Variants in ASTN2 observed in about 807,000 individuals in gnomAD.
ASTN2 encodes the protein astrotactin 2.
ASTN2 carries 54 observed loss-of-function variants against 139.8 expected under a neutral mutation model. The ratio of observed to expected loss-of-function variants is 0.39; its 90% CI spans 0.31 to 0.48. ASTN2 has a LOEUF of 0.48. ASTN2 is among the 20% of genes least tolerant of loss of function. The probability of loss-of-function intolerance (pLI) is 0.95; values close to 1 mark genes in which losing one functional copy is unlikely to be tolerated. For missense variants in ASTN2, 1,565 were observed against 1,725.1 expected, an observed-to-expected ratio of 0.91 and a Z score of 1.64; for synonymous variants, 756 against 719.5, an observed-to-expected ratio of 1.05 and a Z score of -0.81.
chr9:116,927,299 C>T (rs1353513773), intron 10 of ASTN2, among the ~76,000 whole-genome samples: 1 of 152,108 alleles, frequency 6.6e-6, no homozygotes, highest in Non-Finnish European at 1.5e-5. Context: ...TAAAGGAGAT[C>T]GTGCATGTGG....
At chr9:117,066,672 C>T (rs1162361391) in intron 5 of ASTN2, among the ~76,000 whole-genome samples, 4 of 152,056 alleles carry the variant, frequency 2.6e-5, no homozygotes, top group African/African-American at 7.2e-5. Context: ...ACATCCTCTC[C>T]AGCACCTGTT....
intron 22 of ASTN2, among the ~76,000 whole-genome samples, chr9:116,433,496 T>G (rs1192991694): frequency 6.6e-6 from 1 of 152,242 alleles, no homozygotes; most frequent in African/African-American, 2.4e-5. Flanking sequence ...GGGGTAGGGT[T>G]GGGATTATGT....
rs192888220 is a variant in ASTN2, at chr9:116,805,774, T to G, written c.2254A>C (p.Met752Leu). Reference protein sequence around the residue: ...KLAPDGKSCLMLSDVCEGPKC... With the variant: ...KLAPDGKSCLLLSDVCEGPKC... Reference sequence around the variant, plus strand: ...GGGCCCTCGCAGACATCTGAGAGCATTAAGCAGGATTTTCCATCAGGAGCC... The same window carrying G: ...GGGCCCTCGCAGACATCTGAGAGCAGTAAGCAGGATTTTCCATCAGGAGCC... The change falls in exon 13 of 23, where the codon ATG becomes CTG. Residue 752 changes from methionine to leucine, a missense_variant. Met to Leu is a conservative substitution (Grantham distance 15). Around this residue, in one of 4 missense-constraint regions of ASTN2, gnomAD observed 503 missense variants for 591.7 expected, o/e 0.85. Coordinates refer to ENST00000313400, the MANE Select transcript of ASTN2 (RefSeq NM_001365068.1). The G allele has an allele frequency of 1.2e-6, 2 of 1,613,914 alleles. No individual in the cohort carries two copies. The highest frequency in any genetic ancestry group is 4.5e-5 in the East Asian group (2 of 44,882).
At position 116,755,547 on chromosome 9, in the gene ASTN2, C is replaced by T. The variant is rs144525744; in HGVS notation, c.2397-22024G>A. ...GTGAGGCCTCGGAAGAAACCAGCCC[C>T]GCTAATGTCTTGATCTTGGACTTTT... is the stretch of plus-strand genomic sequence containing the variant. On this transcript the variant is annotated intron_variant, in intron 13 of 22. Transcript: ENST00000313400. Among the ~76,000 whole-genome samples, 710 of 152,254 alleles carry T rather than the reference C, an allele frequency of 4.7e-3. 6 individuals are homozygous for T. Among genetic ancestry groups the T allele is most frequent in the African/African-American group, 0.016 (678 of 41,536 alleles).
chr9:116,593,420 T>A (rs1473449034), intron 19 of ASTN2, among the ~76,000 whole-genome samples: 2 of 152,248 alleles, frequency 1.3e-5, no homozygotes, highest in Non-Finnish European at 2.9e-5. Context: ...ATTCTCCACA[T>A]GTATGTTAAA....
chr9:116,575,949 A>T (rs1853705657), intron 19 of ASTN2, among the ~76,000 whole-genome samples: 1 of 152,182 alleles, frequency 6.6e-6, no homozygotes, highest in Non-Finnish European at 1.5e-5. Flanking sequence ...AGGAAGAGGG[A>T]GGAGGAAGCT....
chr9:117,291,943 G>A (rs1271154339), intron 1 of ASTN2, among the ~76,000 whole-genome samples: 1 of 152,182 alleles, frequency 6.6e-6, no homozygotes, highest in African/African-American at 2.4e-5. Context: ...AAGTACTCAT[G>A]GCCAAACCTC....
Position 116,853,253 on chromosome 9 carries a change from TG to T in ASTN2, c.2040+10329del, listed in dbSNP as rs202161886. On this transcript the variant is annotated intron_variant, in intron 11 of 22. Transcript: ENST00000313400. Reference sequence around the variant, plus strand: ...TGTACAAATTTATTTTATTTTATAATGAGAATGAGCTACTTTTAGAAAACCA... The same window carrying T: ...TGTACAAATTTATTTTATTTTATAATAGAATGAGCTACTTTTAGAAAACCA... Among the ~76,000 whole-genome samples, 849 of 152,256 alleles carry T rather than the reference TG, an allele frequency of 5.6e-3. 6 individuals carry two copies. The highest frequency in any genetic ancestry group is 0.019 in the African/African-American group (805 of 41,548).
chr9:117,041,335 G>T (rs1838564671), intron 5 of ASTN2, among the ~76,000 whole-genome samples: 1 of 151,972 alleles, frequency 6.6e-6, no homozygotes, highest in Non-Finnish European at 1.5e-5. Flanking sequence ...TATCCAATTA[G>T]AATGTCAAAT....
At chr9:116,459,290 G>A (rs949569330) in intron 20 of ASTN2, among the ~76,000 whole-genome samples, 4 of 151,936 alleles carry the variant, frequency 2.6e-5, no homozygotes, top group Non-Finnish European at 5.9e-5. Context: ...AAATGTAAAG[G>A]CTAAAACTAT....
intron 2 of ASTN2, among the ~76,000 whole-genome samples, chr9:117,220,401 C>G (rs926773254): frequency 6.6e-6 from 1 of 152,126 alleles, no homozygotes; most frequent in Non-Finnish European, 1.5e-5. Context: ...ATCCCCTCAG[C>G]CTGAAGCACC....
chr9:116,748,921 G>C (rs1436089585), intron 13 of ASTN2, among the ~76,000 whole-genome samples: 1 of 152,166 alleles, frequency 6.6e-6, no homozygotes, highest in African/African-American at 2.4e-5. Flanking sequence ...AGGGCTAAGA[G>C]AAAGTTCTCA....
chr9:116,631,244 A>G (rs1856730167), intron 17 of ASTN2, among the ~76,000 whole-genome samples: 1 of 152,224 alleles, frequency 6.6e-6, no homozygotes, highest in Non-Finnish European at 1.5e-5. Context: ...TGCTAAAGAG[A>G]TATCTGCACT....
intron 20 of ASTN2, among the ~76,000 whole-genome samples, chr9:116,482,430 T>A (rs1045884312): frequency 6.6e-6 from 1 of 152,180 alleles, no homozygotes; most frequent in Non-Finnish European, 1.5e-5. Context: ...TGGCACATAG[T>A]GAATACTCAA....
At chr9:117,241,619 A>G (rs1833209643) in intron 2 of ASTN2, among the ~76,000 whole-genome samples, 1 of 152,186 alleles carries the variant, frequency 6.6e-6, no homozygotes, top group Non-Finnish European at 1.5e-5. Context: ...TGAGAATCTA[A>G]TGCTGTTGCT....
At chr9:116,887,599 G>A (rs1030065941) in intron 10 of ASTN2, among the ~76,000 whole-genome samples, 4 of 152,136 alleles carry the variant, frequency 2.6e-5, no homozygotes, top group African/African-American at 9.7e-5. Flanking sequence ...TAGGCCAAGA[G>A]ATACACAATG....
chr9:117,296,041 A>G (rs1165123215), intron 1 of ASTN2, among the ~76,000 whole-genome samples: 1 of 152,020 alleles, frequency 6.6e-6, no homozygotes, highest in Non-Finnish European at 1.5e-5. Context: ...GCACTTTGGG[A>G]GGCCTAGGTG....
At position 116,678,540 on chromosome 9, in the gene ASTN2, T is replaced by C. The variant is rs550524670; in HGVS notation, c.2807-26747A>G. ...GGCTTTTGTTAAAAGGAATGTAATT[T>C]TGTCTAGTTCAGAGGGTTTTAAAGA... On this transcript the variant is annotated intron_variant, in intron 16 of 22. Transcript: ENST00000313400. Among the ~76,000 whole-genome samples, 3 of 152,284 alleles carry C rather than the reference T, an allele frequency of 2.0e-5. No homozygotes were observed. The South Asian group carries it at 6.2e-4, about 32-fold the overall frequency.
chr9:117,288,247 G>A (rs1166930297), intron 2 of ASTN2, among the ~76,000 whole-genome samples: 3 of 152,200 alleles, frequency 2.0e-5, no homozygotes, highest in African/African-American at 4.8e-5. Context: ...GGACAAGGTA[G>A]ATGCTCGACT....
Sources: allele counts gnomAD v4.1 joint callset (sites outside exome capture counted in the v4.1 genomes callset), GRCh38; gene constraint gnomAD v4.1.1; regional missense constraint gnomAD v4.1.1; transcripts MANE v1.5; gene names NCBI Gene and HGNC (gene_info 2026-07-23, HGNC 2026-07-21).